AFAP1: variants seen among roughly 807,000 people sequenced by gnomAD.
AFAP1 encodes actin filament associated protein 1.
In AFAP1, 75 loss-of-function variants were observed where a neutral mutation model predicts 93.9. That is an observed-to-expected ratio of 0.80 (90% CI 0.66 to 0.97). AFAP1 has a LOEUF of 0.97. Ranked by LOEUF, AFAP1 falls within the 50% of genes least tolerant of loss-of-function variation. The pLI is 0.00. For synonymous variants in AFAP1, 517 were observed against 430.7 expected (o/e 1.20, Z -2.48); for missense variants, 1,201 against 1,050.8 (o/e 1.14, Z -1.98).
chr4:7,808,660 T>C (rs539621743), intron 9 of AFAP1, among the ~76,000 whole-genome samples: 47 of 152,362 alleles, frequency 3.1e-4, no homozygotes, highest in African/African-American at 1.1e-3. Flanking sequence ...CCAAATCTCA[T>C]GTTGAAATGT....
intron 3 of AFAP1, among the ~76,000 whole-genome samples, chr4:7,858,272 C>G (rs1463734470): frequency 3.3e-5 from 5 of 152,190 alleles, no homozygotes; most frequent in Non-Finnish European, 5.9e-5. Context: ...GCGGTTGTCT[C>G]TTTCTACATG....
chr4:7,857,134 G>A (rs984741002), intron 3 of AFAP1, among the ~76,000 whole-genome samples: 9 of 152,156 alleles, frequency 5.9e-5, no homozygotes, highest in African/African-American at 2.2e-4. Context: ...AACCTGGGAA[G>A]AGGTATGTTC....
At chr4:7,905,027 A>C (rs1045846165) in intron 1 of AFAP1, among the ~76,000 whole-genome samples, 3 of 152,186 alleles carry the variant, frequency 2.0e-5, no homozygotes, top group Non-Finnish European at 4.4e-5. Context: ...TGACTTATAC[A>C]AAATCAGAGC....
rs905253095 is a variant in AFAP1, at chr4:7,760,781, GGAGCCCT to G, written c.*2977_*2983del. 1.9e-4 allele frequency: 29 copies of G among 152,436 alleles called. No homozygotes were observed. The highest frequency in any genetic ancestry group is 4.1e-4 in the Non-Finnish European group (28 of 68,070). The allele number at this position is 152,436 out of a possible 1,614,324, so 9.4% of individuals were successfully genotyped here. On this transcript the variant is annotated 3_prime_UTR_variant, in exon 18 of 18. Transcript: ENST00000420658. Reference sequence around the variant, plus strand: ...ACTGTGGCTCAAGGTTAGAATGGAAGGAGCCCTGAGCCCCGCAGGGGTCGGCCCCCTC... The same window carrying G: ...ACTGTGGCTCAAGGTTAGAATGGAAGGAGCCCCGCAGGGGTCGGCCCCCTC...
chr4:7,857,581 C>T (rs1198819720), intron 3 of AFAP1, among the ~76,000 whole-genome samples: 16 of 152,324 alleles, frequency 1.1e-4, no homozygotes, highest in African/African-American at 2.2e-4. Context: ...TTCCTACAGA[C>T]GCAACAGAAC....
chr4:7,920,445 G>C (rs979826144), intron 1 of AFAP1, among the ~76,000 whole-genome samples: 6 of 152,142 alleles, frequency 3.9e-5, no homozygotes, highest in African/African-American at 1.4e-4. Context: ...CCGTATTTGG[G>C]GTCATCTTTC....
chr4:7,899,489 G>A (rs763794516), intron 1 of AFAP1, among the ~76,000 whole-genome samples: 3 of 152,090 alleles, frequency 2.0e-5, no homozygotes, highest in African/African-American at 4.8e-5. Flanking sequence ...ATCTTCCCTC[G>A]AGAAAGGCAG....
intron 1 of AFAP1, among the ~76,000 whole-genome samples, chr4:7,925,851 A>AG (rs1720701466): frequency 1.1e-5 from 1 of 93,792 alleles, no homozygotes; most frequent in Admixed American, 1.3e-4. Context: ...GTCTCAAAAA[A>AG]AAAAAGAAAG....
chr4:7,836,389 A>C (rs1164730309), intron 6 of AFAP1, among the ~76,000 whole-genome samples: 3 of 152,244 alleles, frequency 2.0e-5, no homozygotes, highest in Non-Finnish European at 4.4e-5. Flanking sequence ...AAAGCAGGTA[A>C]GTGGCTGCCT....
chr4:7,914,987 G>C (rs1259502283), intron 1 of AFAP1, among the ~76,000 whole-genome samples: 1 of 152,110 alleles, frequency 6.6e-6, no homozygotes, highest in Non-Finnish European at 1.5e-5. Flanking sequence ...GACCTCAAAT[G>C]ATCCGCCCAC....
intron 11 of AFAP1, among the ~76,000 whole-genome samples, chr4:7,793,170 TTTTA>T (rs938830055): frequency 1.4e-5 from 2 of 141,078 alleles, no homozygotes; most frequent in African/African-American, 5.2e-5. Context: ...GCATTTTTTT[TTTTA>T]AAAAAATCAC....
chr4:7,812,640 G>C (rs942940568), intron 8 of AFAP1, among the ~76,000 whole-genome samples: 91 of 152,162 alleles, frequency 6.0e-4, no homozygotes, highest in African/African-American at 2.2e-3. Flanking sequence ...AGAAAAGCTG[G>C]AGTATCCAGG....
Position 7,774,207 on chromosome 4 carries a change from C to G in AFAP1, c.2062+532G>C, listed in dbSNP as rs1715836370. 3 of 152,910 alleles carry G rather than the reference C, an allele frequency of 2.0e-5. No homozygotes were observed. The South Asian group carries it at 6.2e-4, about 32-fold the overall frequency. The allele number at this position is 152,910 out of a possible 1,614,324, so 9.5% of individuals were successfully genotyped here. A position where few individuals can be genotyped will look rare whatever the true frequency, so the allele number is the denominator to read the frequency against. On this transcript the variant is annotated intron_variant, in intron 15 of 17. Coordinates refer to ENST00000420658, the MANE Select transcript of AFAP1 (RefSeq NM_001134647.2). ...CAGTTTCTGTGACTTCAGTCCCTCT[C>G]TGGTGTCTGTATTCCATTAGCCTGG...
At chr4:7,780,776 C>A (rs1467496358) in intron 13 of AFAP1, among the ~76,000 whole-genome samples, 1 of 152,028 alleles carries the variant, frequency 6.6e-6, no homozygotes, top group Non-Finnish European at 1.5e-5. Context: ...CATCAAAAGT[C>A]CTTATTATCG....
intron 9 of AFAP1, among the ~76,000 whole-genome samples, chr4:7,801,178 TC>T (rs1718985597): frequency 6.6e-6 from 1 of 152,106 alleles, no homozygotes; most frequent in Admixed American, 6.6e-5. Context: ...GGCACTAAGA[TC>T]CCCAGCGCTG....
At chr4:7,908,813 G>C (rs1050772854) in intron 1 of AFAP1, among the ~76,000 whole-genome samples, 1 of 152,206 alleles carries the variant, frequency 6.6e-6, no homozygotes, top group Non-Finnish European at 1.5e-5. Context: ...TGAGTGCTTC[G>C]TATAGCATAA....
chr4:7,823,946 G>A (rs766332765), intron 6 of AFAP1, among the ~76,000 whole-genome samples: 2 of 152,338 alleles, frequency 1.3e-5, no homozygotes, highest in African/African-American at 2.4e-5. Flanking sequence ...ACGAAGAAAG[G>A]CATTGCTAAA....
chr4:7,927,968 C>T (rs761418768), intron 1 of AFAP1, among the ~76,000 whole-genome samples: 17 of 152,112 alleles, frequency 1.1e-4, no homozygotes, highest in Non-Finnish European at 1.6e-4. Context: ...AGCCTCCCTC[C>T]GGCCTAAATG....
chr4:7,840,451 G>C (rs964055265), intron 5 of AFAP1, among the ~76,000 whole-genome samples: 1 of 151,970 alleles, frequency 6.6e-6, no homozygotes, highest in Admixed American at 6.6e-5. Context: ...GTAACTGGGA[G>C]TACAGGCGTG....
Sources: allele counts gnomAD v4.1 joint callset (sites outside exome capture counted in the v4.1 genomes callset), GRCh38; gene constraint gnomAD v4.1.1; transcripts MANE v1.5; gene names NCBI Gene and HGNC (gene_info 2026-07-23, HGNC 2026-07-21).